GAN: variants seen among roughly 807,000 people sequenced by gnomAD.
GAN encodes epididymis secretory sperm binding protein.
A neutral mutation model predicts 71.3 loss-of-function variants in GAN; 48 were observed. That is an observed-to-expected ratio of 0.67 (90% CI 0.53 to 0.86). The LOEUF is 0.86. Among genes scored for constraint, GAN ranks in the 40% least tolerant of loss-of-function variants. GAN has a pLI of 0.00. For synonymous variants in GAN, 386 were observed against 276.8 expected (o/e 1.39, Z -3.92); for missense variants, 928 against 770.1 (o/e 1.21, Z -2.43).
intron 9 of GAN, among the ~76,000 whole-genome samples, chr16:81,370,351 A>G (rs561954355): frequency 6.2e-4 from 95 of 152,346 alleles, no homozygotes; most frequent in African/African-American, 2.3e-3. Context: ...CATCTGTTTC[A>G]GTCATGGTCC....
At chr16:81,358,217 A>G (rs1257845299) in intron 5 of GAN, among the ~76,000 whole-genome samples, 2 of 152,230 alleles carry the variant, frequency 1.3e-5, no homozygotes, top group African/African-American at 4.8e-5. Context: ...CTTACCACTA[A>G]GTAGCTGTAG....
At chr16:81,344,036 A>G (rs900154885) in intron 1 of GAN, among the ~76,000 whole-genome samples, 2 of 152,164 alleles carry the variant, frequency 1.3e-5, no homozygotes, top group Non-Finnish European at 2.9e-5. Flanking sequence ...AATAAAATAC[A>G]TAGGAATACA....
intron 1 of GAN, among the ~76,000 whole-genome samples, chr16:81,332,422 A>T (rs1290673888): frequency 6.6e-6 from 1 of 152,168 alleles, no homozygotes; most frequent in Non-Finnish European, 1.5e-5. Flanking sequence ...ACTGGGTATG[A>T]CTAGAATGAC....
At chr16:81,341,429 G>C (rs973823467) in intron 1 of GAN, among the ~76,000 whole-genome samples, 1 of 152,250 alleles carries the variant, frequency 6.6e-6, no homozygotes. Context: ...CAGACTAACA[G>C]TGGATCTCTC....
rs1042825572 is a variant in GAN, at chr16:81,338,172, A to T, written c.168-13411A>T. On this transcript the variant is annotated intron_variant, in intron 1 of 10. Coordinates refer to ENST00000648994, the MANE Select transcript of GAN (RefSeq NM_022041.4). ...TGAACACCTGAGATCCATTTTTATA[A>T]TACTTTCTATTGTTTCTAATTTTTT... Among the ~76,000 whole-genome samples the T allele has an allele frequency of 4.6e-5, 7 of 152,190 alleles. No homozygotes were observed. In the East Asian group the frequency reaches 1.3e-3, roughly 29 times the overall value.
At chr16:81,318,486 G>GAC (rs1909119158) in intron 1 of GAN, among the ~76,000 whole-genome samples, 1 of 152,048 alleles carries the variant, frequency 6.6e-6, no homozygotes, top group South Asian at 2.1e-4. Context: ...AACATAGTGA[G>GAC]ACCCAGTCTG....
Position 81,323,057 on chromosome 16 carries a change from G to A in GAN, c.167+7777G>A, listed in dbSNP as rs369016529. Among the ~76,000 whole-genome samples, 148 of 152,364 alleles carry A rather than the reference G, an allele frequency of 9.7e-4. 3 individuals are homozygous for A. The South Asian group carries it at 0.012, about 13-fold the overall frequency. ...GCCCCCAGTCTACTTCAGTGATGGA[G>A]CTGGAGGCCAGCAGGACCCATTGGT... is the stretch of plus-strand genomic sequence containing the variant. On this transcript the variant is annotated intron_variant, in intron 1 of 10. Coordinates refer to ENST00000648994, the MANE Select transcript of GAN (RefSeq NM_022041.4).
Position 81,383,549 on chromosome 16 carries a change from C to T in GAN, c.*5953C>T, listed in dbSNP as rs761418331. On this transcript the variant is annotated 3_prime_UTR_variant, in exon 11 of 11. Transcript: ENST00000648994. ...TTACAGGTGTGAGCCACCTCGCCTG[C>T]CCTCTTTTTTTTTTTTTATTTTGAG... 2 of 151,414 alleles carry T rather than the reference C, an allele frequency of 1.3e-5. No individual in the cohort carries two copies. Among genetic ancestry groups the T allele is most frequent in the Non-Finnish European group, 2.9e-5 (2 of 67,830 alleles). The allele number at this position is 151,414 out of a possible 1,614,324, so 9.4% of individuals were successfully genotyped here.
At chr16:81,326,453 A>G (rs987716328) in intron 1 of GAN, among the ~76,000 whole-genome samples, 1 of 152,088 alleles carries the variant, frequency 6.6e-6, no homozygotes, top group Non-Finnish European at 1.5e-5. Context: ...GAATTGTTTG[A>G]ACCCGGGAGG....
chr16:81,340,175 G>C (rs888972009), intron 1 of GAN, among the ~76,000 whole-genome samples: 6 of 152,168 alleles, frequency 3.9e-5, no homozygotes, highest in African/African-American at 1.2e-4. Context: ...CTGGGCTCAA[G>C]CAGTCCTCTC....
chr16:81,362,584 A>G lies in GAN; in HGVS notation c.1059A>G (p.Thr353=), dbSNP rs1270126640. The change falls in exon 6 of 11, where the codon ACA becomes ACG. Residue 353 remains threonine (T), a synonymous_variant. Coordinates refer to ENST00000648994, the MANE Select transcript of GAN (RefSeq NM_022041.4). ...SGEKYDPDAN[T]WTALPPMNEA... ...AAAAGTATGATCCAGATGCAAATAC[A>G]TGGACAGCATTGCCACCTATGAACG... 2 of 1,583,632 alleles carry G rather than the reference A, an allele frequency of 1.3e-6. No individual in the cohort carries two copies. Among genetic ancestry groups the G allele is most frequent in the Admixed American group, 1.7e-5 (1 of 59,962 alleles).
intron 1 of GAN, among the ~76,000 whole-genome samples, chr16:81,332,850 T>A (rs146658924): frequency 7.2e-5 from 11 of 152,208 alleles, no homozygotes; most frequent in Non-Finnish European, 1.5e-4. Context: ...GGAAGTGATA[T>A]CATGTCCTCT....
intron 7 of GAN, among the ~76,000 whole-genome samples, chr16:81,364,473 C>T (rs1412562553): frequency 6.6e-6 from 1 of 152,088 alleles, no homozygotes; most frequent in African/African-American, 2.4e-5. Flanking sequence ...CACTATGTTG[C>T]CCCGGCTGGT....
At chr16:81,373,065 T>C (rs1432671761) in intron 9 of GAN, among the ~76,000 whole-genome samples, 1 of 152,210 alleles carries the variant, frequency 6.6e-6, no homozygotes, top group African/African-American at 2.4e-5. Context: ...CATTAGACTT[T>C]TGTGTTTATT....
At chr16:81,326,712 T>C (rs1290291897) in intron 1 of GAN, among the ~76,000 whole-genome samples, 1 of 152,252 alleles carries the variant, frequency 6.6e-6, no homozygotes, top group South Asian at 2.1e-4. Flanking sequence ...TGTAGTCTGT[T>C]GCTTCTAGGC....
intron 2 of GAN, among the ~76,000 whole-genome samples, chr16:81,353,617 C>T (rs570990816): frequency 1.3e-5 from 2 of 152,156 alleles, no homozygotes; most frequent in African/African-American, 2.4e-5. Flanking sequence ...GTCTCCCTTG[C>T]ATTTGCGAAT....
At chr16:81,373,619 A>G (rs1904274446) in intron 9 of GAN, among the ~76,000 whole-genome samples, 1 of 152,172 alleles carries the variant, frequency 6.6e-6, no homozygotes, top group African/African-American at 2.4e-5. Context: ...TAAGTAAACT[A>G]CAGACTTACT....
chr16:81,353,406 T>A (rs887827291), intron 2 of GAN, among the ~76,000 whole-genome samples: 2 of 151,966 alleles, frequency 1.3e-5, no homozygotes, highest in African/African-American at 4.8e-5. Flanking sequence ...ATTTGAAGAG[T>A]CTACAGCTGC....
chr16:81,334,391 C>T (rs1206641705), intron 1 of GAN, among the ~76,000 whole-genome samples: 1 of 152,132 alleles, frequency 6.6e-6, no homozygotes. Context: ...ATGAAGACAC[C>T]TGGAAAGTAA....
Sources: gnomAD v4.1 joint callset for allele counts (sites outside exome capture counted in the v4.1 genomes callset) on GRCh38, gnomAD v4.1.1 for gene constraint, MANE v1.5 for transcripts, NCBI Gene and HGNC (gene_info 2026-07-23, HGNC 2026-07-21) for gene names.